The following MCCC1 variants were observed in gnomAD, a reference collection of about 807,000 sequenced individuals.
MCCC1 encodes the protein methylcrotonyl-CoA carboxylase subunit 1, also known as methylcrotonoyl-CoA carboxylase subunit alpha, mitochondrial.
In MCCC1, 64 loss-of-function variants were observed where a neutral mutation model predicts 83.8. The observed-to-expected ratio is 0.76, with a 90% confidence interval of 0.62 to 0.94. The LOEUF is 0.94. Among genes scored for constraint, MCCC1 ranks in the 40% least tolerant of loss-of-function variants. The pLI is 0.00. For missense variants in MCCC1, 807 were observed against 904.7 expected (o/e 0.89, Z 1.39); for synonymous variants, 322 against 315.4 (o/e 1.02, Z -0.22).
intron 7 of MCCC1, among the ~76,000 whole-genome samples, chr3:183,068,831 T>C (rs938006741): frequency 2.0e-5 from 3 of 152,232 alleles, no homozygotes; most frequent in Admixed American, 6.5e-5. Context: ...GCCTACAGTA[T>C]TCAATACAGT....
At chr3:183,078,675 T>G (rs1237063621) in intron 4 of MCCC1, among the ~76,000 whole-genome samples, 1 of 152,252 alleles carries the variant, frequency 6.6e-6, no homozygotes, top group East Asian at 1.9e-4. Context: ...CCGGAGTGTT[T>G]GTTACTAGTC....
In MCCC1 at chr3:183,037,327, C is replaced by T. The variant is rs780613937; in HGVS notation, c.1485G>A (p.Gln495=). Residue 495 remains glutamine (Q), a synonymous_variant, in exon 13 of 19, where the codon CAG becomes CAA. Transcript: ENST00000265594. The part of the protein sequence containing the change: ...HTDFIPQHHK[Q]LLLSRKAAAK... ...CTGCAGCCTTCCGACTGAGCAACAACTGTTTGTGGTGTTGAGGGATGAAAT... is the reference window on the plus strand; with the variant it reads ...CTGCAGCCTTCCGACTGAGCAACAATTGTTTGTGGTGTTGAGGGATGAAAT... The T allele has an allele frequency of 6.2e-7, 1 of 1,614,134 alleles. No individual in the cohort carries two copies. Among genetic ancestry groups the T allele is most frequent in the Non-Finnish European group, 8.5e-7 (1 of 1,180,032 alleles).
intron 9 of MCCC1, among the ~76,000 whole-genome samples, 196 bp downstream of exon 9, chr3:183,051,963 T>C (rs148731744): frequency 6.6e-6 from 1 of 152,346 alleles, no homozygotes; most frequent in East Asian, 1.9e-4. Context: ...ATGAAACATT[T>C]GTTTCAAATA....
Position 183,037,238 on chromosome 3 carries a change from G to C in MCCC1, c.1574C>G (p.Thr525Ser). ...LILKEKAMTD[T>S]FTLQAHDQFS... ...CATACCATGTGCCTGAAGAGTGAAA[G>C]TGTCGGTCATGGCTTTCTCCTTGAG... Residue 525 changes from threonine (T) to serine (S), a missense_variant, in exon 13 of 19, where the codon ACT (threonine) becomes AGT (serine). Thr to Ser is a moderately conservative substitution (Grantham distance 58). Transcript: ENST00000265594. The C allele has an allele frequency of 6.2e-7, 1 of 1,613,794 alleles. No homozygotes were observed. Among genetic ancestry groups the C allele is most frequent in the African/African-American group, 1.3e-5 (1 of 75,034 alleles).
At chr3:183,039,323 G>T (rs574622468) in intron 11 of MCCC1, among the ~76,000 whole-genome samples, 188 bp from the exon 12 acceptor site, 1 of 152,226 alleles carries the variant, frequency 6.6e-6, no homozygotes, top group Non-Finnish European at 1.5e-5. Context: ...CAGGTGTAAC[G>T]AGGTGGGCCA....
chr3:183,042,555 C>T (rs1012212115), intron 10 of MCCC1, among the ~76,000 whole-genome samples: 20 of 152,000 alleles, frequency 1.3e-4, no homozygotes, highest in Admixed American at 1.1e-3. Context: ...TGAACTAAAC[C>T]GGTAAGTATA....
chr3:183,101,855 C>T (rs1719314280), upstream of MCCC1, among the ~76,000 whole-genome samples: 1 of 152,096 alleles, frequency 6.6e-6, no homozygotes. Flanking sequence ...AGACCACGAG[C>T]CCACCGGGAG....
chr3:183,101,075 G>A (rs56330741), upstream of MCCC1, among the ~76,000 whole-genome samples: 5 of 152,362 alleles, frequency 3.3e-5, no homozygotes, highest in South Asian at 4.1e-4. Context: ...GAGTCCCCCA[G>A]CAGTGCTGGC....
chr3:183,053,575 G>A (rs1350187981), intron 8 of MCCC1, among the ~76,000 whole-genome samples: 1 of 151,882 alleles, frequency 6.6e-6, no homozygotes, highest in Admixed American at 6.5e-5. Context: ...GGGAGGCCAA[G>A]GTGGGCGGAT....
intron 14 of MCCC1, among the ~76,000 whole-genome samples, chr3:183,033,738 A>G (rs145683224): frequency 9.9e-4 from 151 of 152,216 alleles, no homozygotes; most frequent in African/African-American, 3.5e-3. Flanking sequence ...CTGTTTTGCT[A>G]TGTTTATTTT....
intron 2 of MCCC1, 149 bp from the exon 3 acceptor site, chr3:183,092,694 C>T (rs573574035): frequency 5.7e-6 from 5 of 871,822 alleles, no homozygotes; most frequent in African/African-American, 1.7e-5. Context: ...AAAATGACCA[C>T]TTTAACTAAT....
In MCCC1 at chr3:183,025,769, A is replaced by G; in HGVS notation, c.1717T>C (p.Ser573Pro). The G allele has an allele frequency of 6.2e-7, 1 of 1,613,968 alleles. No homozygotes were observed. Among genetic ancestry groups the G allele is most frequent in the East Asian group, 2.2e-5 (1 of 44,856 alleles). ...GTAAGGCTTACCTGCATGCTATAAG[A>G]CCCATCATGGTTATACGTTACAGCT... is the stretch of plus-strand genomic sequence containing the variant. ...AIAVTYNHDG[S>P]YSMQIEDKTF... Residue 573 changes from serine (S) to proline (P), a missense_variant, in exon 15 of 19, where the codon TCT becomes CCT. Transcript: ENST00000265594.
At chr3:183,038,264 A>C (rs1045263643) in intron 12 of MCCC1, among the ~76,000 whole-genome samples, 1 of 152,220 alleles carries the variant, frequency 6.6e-6, no homozygotes, top group Non-Finnish European at 1.5e-5. Flanking sequence ...AAAAGGTCAT[A>C]CTTTAAATGG....
intron 9 of MCCC1, among the ~76,000 whole-genome samples, chr3:183,051,784 AG>A (rs1715001135): frequency 6.7e-6 from 1 of 150,038 alleles, no homozygotes; most frequent in Non-Finnish European, 1.5e-5. Flanking sequence ...AGTGGGGGAC[AG>A]GGGGTATATG....
intron 14 of MCCC1, among the ~76,000 whole-genome samples, chr3:183,031,040 A>G (rs1337897417): frequency 6.6e-6 from 1 of 152,136 alleles, no homozygotes; most frequent in Non-Finnish European, 1.5e-5. Flanking sequence ...GACCTTAAAC[A>G]TCCTCTCATG....
chr3:183,084,076 T>C (rs1307884076), intron 4 of MCCC1, among the ~76,000 whole-genome samples: 2 of 152,272 alleles, frequency 1.3e-5, no homozygotes, highest in South Asian at 2.1e-4. Flanking sequence ...AAGGCTGTTA[T>C]TGTTTTTTAT....
rs546924749 is a variant in MCCC1, at chr3:183,091,238, G to A, written c.273+1171C>T. On this transcript the variant is annotated intron_variant, in intron 3 of 18. Transcript: ENST00000265594. ...CAGGCATAATGAAGTCCAACAGTGGGAGTCACCTATGCTTGGAGTTATTTC... is the reference window on the plus strand; with the variant it reads ...CAGGCATAATGAAGTCCAACAGTGGAAGTCACCTATGCTTGGAGTTATTTC... Among the ~76,000 whole-genome samples, 14 of 152,288 alleles carry A rather than the reference G, an allele frequency of 9.2e-5. No homozygotes were observed. In the South Asian group the frequency reaches 2.9e-3, roughly 32 times the overall value.
chr3:183,071,290 A>G lies in MCCC1; in HGVS notation c.559T>C (p.Ser187Pro), dbSNP rs757362635. 3.3e-5 allele frequency: 54 copies of G among 1,614,104 alleles called. No homozygotes were observed. The highest frequency in any genetic ancestry group is 5.0e-5 in the Admixed American group (3 of 60,010). Residue 187 changes from serine (S) to proline (P), a missense_variant, in exon 6 of 19, where the codon TCA (serine) becomes CCA (proline). Transcript: ENST00000265594. Reference sequence around the variant, plus strand: ...GCGTGTTCCTTCAGGCACTGGTCTGATTGGTCCTCACCATGATAACCCTCC... The same window carrying G: ...GCGTGTTCCTTCAGGCACTGGTCTGGTTGGTCCTCACCATGATAACCCTCC... Reference protein sequence around the residue: ...VVEGYHGEDQSDQCLKEHARR... With the variant: ...VVEGYHGEDQPDQCLKEHARR...
intron 10 of MCCC1, 101 bp from the exon 11 acceptor site, chr3:183,041,851 A>G: frequency 1.5e-6 from 2 of 1,336,226 alleles, no homozygotes; most frequent in Non-Finnish European, 2.1e-6. Flanking sequence ...ATGTACATTT[A>G]GGTTTTGCAA....
Sources: gnomAD v4.1 joint callset for allele counts (sites outside exome capture counted in the v4.1 genomes callset) on GRCh38, gnomAD v4.1.1 for gene constraint, MANE v1.5 for transcripts, NCBI Gene and HGNC (gene_info 2026-07-23, HGNC 2026-07-21) for gene names.